CELF2: variants seen among roughly 807,000 people sequenced by gnomAD.
CELF2 encodes the protein CUGBP Elav-like family member 2, also known as CUG triplet repeat RNA-binding protein 2.
Under a neutral mutation model 62.6 loss-of-function variants are expected in CELF2, and 8 were observed. That is an observed-to-expected ratio of 0.13 (90% confidence interval 0.07 to 0.23). The LOEUF (loss-of-function observed/expected upper bound fraction) is 0.23, where lower values mean the gene tolerates loss of function less well. Ranked by LOEUF, CELF2 falls within the 10% of genes least tolerant of loss-of-function variation. The pLI is 1.00. For synonymous variants in CELF2, 258 were observed against 250.0 expected, an observed-to-expected ratio of 1.03 and a Z score of -0.30; for missense variants, 333 against 671.0, an observed-to-expected ratio of 0.50 and a Z score of 5.56.
At chr10:11,021,048 G>T (rs2058236268) in intron 1 of CELF2, among the ~76,000 whole-genome samples, 1 of 152,128 alleles carries the variant, frequency 6.6e-6, no homozygotes, top group African/African-American at 2.4e-5. Flanking sequence ...ATTTTAAACT[G>T]ACAGTTGATT....
intron 1 of CELF2, among the ~76,000 whole-genome samples, chr10:11,053,995 G>T (rs2064570326): frequency 6.6e-6 from 1 of 151,996 alleles, no homozygotes; most frequent in African/African-American, 2.4e-5. Context: ...AACTATATTT[G>T]CTAATTTTGG....
chr10:10,565,374 C>A, the CELF2 span, among the ~76,000 whole-genome samples: 8 of 152,202 alleles, frequency 5.3e-5, no homozygotes, highest in Non-Finnish European at 1.2e-4. Flanking sequence ...TCTCATAAAC[C>A]CACAGGGATA....
rs891547005 is a variant in CELF2 at position 11,010,852 on chromosome 10, T to C, written c.53+5412T>C. On this transcript the variant is annotated intron_variant, in intron 1 of 12. Transcript: ENST00000416382. This position sits in a 1 kb window ranked among gnomAD's most constrained non-coding sequence, Gnocchi z 4.1. ...GATCTGCGGTCAAATCCCTGGTCACTGTTTATAGTTTCAGCTGCTCAGCCC... is the reference window on the plus strand; with the variant it reads ...GATCTGCGGTCAAATCCCTGGTCACCGTTTATAGTTTCAGCTGCTCAGCCC... 6 of 152,280 alleles carry C rather than the reference T, an allele frequency of 3.9e-5. No homozygotes were observed. Among genetic ancestry groups the C allele is most frequent in the African/African-American group, 1.4e-4 (6 of 41,466 alleles). The allele number at this position is 152,280 out of a possible 1,614,324, so 9.4% of individuals were successfully genotyped here.
Position 11,117,961 on chromosome 10 carries a change from T to C in CELF2, c.75-47525T>C, listed in dbSNP as rs2056915655. On this transcript the variant is annotated intron_variant, in intron 1 of 12. Coordinates refer to ENST00000633077, the MANE Select transcript of CELF2 (RefSeq NM_001326342.2). This position sits in a 1 kb window ranked among gnomAD's most constrained non-coding sequence, Gnocchi z 4.1. ...TTCTGCCTCAAAAGGCATTTTGCTC[T>C]AATGGCTGTGTGGAAATGTTCATTC... Among the ~76,000 whole-genome samples the C allele has an allele frequency of 6.6e-6, 1 of 152,236 alleles. No homozygotes were observed. Among genetic ancestry groups the C allele is most frequent in the Admixed American group, 6.5e-5 (1 of 15,288 alleles).
the CELF2 span, among the ~76,000 whole-genome samples, chr10:10,520,520 G>C: frequency 1.3e-5 from 2 of 152,144 alleles, no homozygotes; most frequent in Non-Finnish European, 2.9e-5. Context: ...ATTCAATGGA[G>C]AGCAAAACCC....
the CELF2 span, among the ~76,000 whole-genome samples, chr10:10,509,112 G>A: frequency 6.6e-6 from 1 of 152,268 alleles, no homozygotes; most frequent in Middle Eastern, 3.4e-3. Context: ...ATCTAGGATT[G>A]GAGGTTCTGT....
the CELF2 span, among the ~76,000 whole-genome samples, chr10:10,520,004 G>A: frequency 6.6e-6 from 1 of 152,016 alleles, no homozygotes; most frequent in Admixed American, 6.6e-5. Flanking sequence ...TGCCAGCCAG[G>A]GAAATCTGCA....
the CELF2 span, among the ~76,000 whole-genome samples, chr10:10,695,487 G>T: frequency 6.6e-6 from 1 of 150,508 alleles, no homozygotes; most frequent in African/African-American, 2.4e-5. Context: ...TATGTGTCTT[G>T]GAGTTGCTCT....
At chr10:10,595,269 C>A in the CELF2 span, among the ~76,000 whole-genome samples, 1 of 152,128 alleles carries the variant, frequency 6.6e-6, no homozygotes, top group African/African-American at 2.4e-5. Flanking sequence ...AGACTCAAAG[C>A]TAAGAACTTG....
At chr10:11,257,424 T>G (rs999380609) in intron 4 of CELF2, 1 of 203,866 alleles carries the variant, frequency 4.9e-6, no homozygotes, top group African/African-American at 2.2e-5. Context: ...ACAAGTACTT[T>G]GGAATTTTAG....
chr10:10,579,614 A>G, the CELF2 span, among the ~76,000 whole-genome samples: 1 of 152,170 alleles, frequency 6.6e-6, no homozygotes, highest in Non-Finnish European at 1.5e-5. Flanking sequence ...CACCTTGAAA[A>G]TACAGCAAGA....
rs2095419095 is a variant in CELF2 at position 11,321,129 on chromosome 10, T to C, written c.1097-60T>C. On this transcript the variant is annotated intron_variant, in intron 10 of 12. Coordinates refer to ENST00000633077, the MANE Select transcript of CELF2 (RefSeq NM_001326342.2). The surrounding 1 kb of genome is among the most constrained non-coding windows in gnomAD (Gnocchi z 6.2). Reference sequence around the variant, plus strand: ...TGTTTAAATGATTCTCTAACTTCCTTTGGAAAGCACTAATGAATAAGTGCT... The same window carrying C: ...TGTTTAAATGATTCTCTAACTTCCTCTGGAAAGCACTAATGAATAAGTGCT... The C allele has an allele frequency of 6.4e-7, 1 of 1,554,566 alleles. No individual in the cohort carries two copies. The highest frequency in any genetic ancestry group is 8.9e-7 in the Non-Finnish European group (1 of 1,127,272).
At chr10:11,241,521 CAG>C (rs2073902949) in intron 3 of CELF2, among the ~76,000 whole-genome samples, 1 of 152,306 alleles carries the variant, frequency 6.6e-6, no homozygotes, top group East Asian at 1.9e-4. Flanking sequence ...ATTGATCTGA[CAG>C]ATTATTTTTG....
the CELF2 span, among the ~76,000 whole-genome samples, chr10:10,717,971 A>T: frequency 2.6e-5 from 4 of 152,180 alleles, no homozygotes; most frequent in East Asian, 1.9e-4. Flanking sequence ...GAGCTTATAC[A>T]GTCAAATTAA....
At chr10:11,232,318 G>A (rs2069042688) in intron 3 of CELF2, among the ~76,000 whole-genome samples, 1 of 152,178 alleles carries the variant, frequency 6.6e-6, no homozygotes. Flanking sequence ...CTAAAAAATA[G>A]CTTCTATCTC....
upstream of CELF2, chr10:10,796,809 T>G (rs1205980480): frequency 1.2e-5 from 9 of 764,976 alleles, no homozygotes; most frequent in Middle Eastern, 6.7e-4. Flanking sequence ...TGTAAATGTT[T>G]GCACATGATT....
At chr10:10,837,427 A>C (rs1214920008) in intron 1 of CELF2, among the ~76,000 whole-genome samples, 1 of 152,178 alleles carries the variant, frequency 6.6e-6, no homozygotes, top group Admixed American at 6.5e-5. Context: ...ACCCAGTCTC[A>C]GGTATGTCTT....
chr10:10,504,993 C>T, the CELF2 span, among the ~76,000 whole-genome samples: 3 of 151,976 alleles, frequency 2.0e-5, no homozygotes, highest in Non-Finnish European at 4.4e-5. Context: ...CTTTTAAAAC[C>T]TTTGTCAGAT....
intron 1 of CELF2, among the ~76,000 whole-genome samples, chr10:11,036,337 T>G (rs1180689328): frequency 6.6e-6 from 1 of 152,240 alleles, no homozygotes; most frequent in Non-Finnish European, 1.5e-5. Flanking sequence ...ATTTAATTAC[T>G]TTGCTTCCAG....
Sources: allele counts gnomAD v4.1 joint callset (sites outside exome capture counted in the v4.1 genomes callset), GRCh38; gene constraint gnomAD v4.1.1; non-coding constraint Gnocchi (gnomAD v3.1); transcripts MANE v1.5; gene names NCBI Gene and HGNC (gene_info 2026-07-23, HGNC 2026-07-21).